The following NRCAM variants were observed in gnomAD, a reference collection of about 807,000 sequenced individuals.
NRCAM encodes the protein NgCAM-related cell adhesion molecule.
Under a neutral mutation model 156.5 loss-of-function variants are expected in NRCAM, and 83 were observed. The observed-to-expected ratio is 0.53, with a 90% CI of 0.44 to 0.64. The LOEUF (loss-of-function observed/expected upper bound fraction) is 0.64, where lower values mean the gene tolerates loss of function less well. Among genes scored for constraint, NRCAM ranks in the 30% least tolerant of loss-of-function variants. The probability of loss-of-function intolerance (pLI) is 0.00; values close to 1 mark genes in which losing one functional copy is unlikely to be tolerated. For missense variants in NRCAM, 1,417 were observed against 1,597.3 expected (o/e 0.89, Z 1.92); for synonymous variants, 538 against 563.9 (o/e 0.95, Z 0.65).
chr7:108,239,285 C>T (rs945555216), intron 4 of NRCAM, among the ~76,000 whole-genome samples: 1 of 152,126 alleles, frequency 6.6e-6, no homozygotes, highest in East Asian at 1.9e-4. Flanking sequence ...CATTTTAGTG[C>T]TTTGCATATT....
chr7:108,421,182 TGTATAAAAC>T (rs376436431), intron 1 of NRCAM, among the ~76,000 whole-genome samples: 41 of 152,276 alleles, frequency 2.7e-4, no homozygotes, highest in Middle Eastern at 3.4e-3. Context: ...TATATGTGTG[TGTATAAAAC>T]GTGTAAAACA....
Position 108,231,005 on chromosome 7 carries a change from A to G in NRCAM, c.550+26T>C, listed in dbSNP as rs1428753849. The G allele has an allele frequency of 3.2e-6, 5 of 1,549,998 alleles. No homozygotes were observed. The East Asian group carries it at 9.0e-5, about 28-fold the overall frequency. Reference sequence around the variant, plus strand: ...AAACAATCCTAAGACTTTTAAAGAAAGAAAGTTCATATTATCAAAACTTAC... The same window carrying G: ...AAACAATCCTAAGACTTTTAAAGAAGGAAAGTTCATATTATCAAAACTTAC... On this transcript the variant is annotated intron_variant, in intron 8 of 32. Transcript: ENST00000379028.
intron 5 of NRCAM, among the ~76,000 whole-genome samples, chr7:108,235,927 T>C (rs2094931064): frequency 6.6e-6 from 1 of 152,196 alleles, no homozygotes; most frequent in African/African-American, 2.4e-5. Flanking sequence ...ACAGCACCTT[T>C]CCTCTGCATC....
chr7:108,453,446 G>A (rs944962447), intron 1 of NRCAM, among the ~76,000 whole-genome samples: 1 of 152,166 alleles, frequency 6.6e-6, no homozygotes, highest in Non-Finnish European at 1.5e-5. Flanking sequence ...TATTTCCAAA[G>A]ATGCTTTGCT....
At chr7:108,268,397 G>A (rs2097188515) in intron 3 of NRCAM, among the ~76,000 whole-genome samples, 1 of 152,154 alleles carries the variant, frequency 6.6e-6, no homozygotes, top group Non-Finnish European at 1.5e-5. Flanking sequence ...TAGTAAATGA[G>A]TAAGTGAGAG....
intron 32 of NRCAM, among the ~76,000 whole-genome samples, chr7:108,153,333 GAAAATAAAAATATGAT>G (rs2042876677): frequency 6.6e-6 from 1 of 151,876 alleles, no homozygotes; most frequent in South Asian, 2.1e-4. Flanking sequence ...TTTAGCAGAA[GAAAATAAAAATATGAT>G]AATCTCAGTA....
At chr7:108,325,323 A>G (rs1034910297) in intron 2 of NRCAM, among the ~76,000 whole-genome samples, 2 of 152,184 alleles carry the variant, frequency 1.3e-5, no homozygotes, top group African/African-American at 2.4e-5. Flanking sequence ...CATTCTATCT[A>G]TGAAGTGGTA....
intron 15 of NRCAM, 90 bp downstream of exon 15, chr7:108,195,671 T>A: frequency 1.5e-6 from 1 of 687,874 alleles, no homozygotes; most frequent in Admixed American, 2.8e-5. Flanking sequence ...CTTTCCCTGT[T>A]TGTTTTTTGA....
At chr7:108,400,737 C>G (rs1213949281) in intron 1 of NRCAM, among the ~76,000 whole-genome samples, 1 of 152,002 alleles carries the variant, frequency 6.6e-6, no homozygotes, top group African/African-American at 2.4e-5. Context: ...AACTCAGAGT[C>G]AAGAGGTACA....
intron 32 of NRCAM, chr7:108,156,625 T>C (rs2045650560): frequency 6.5e-6 from 1 of 153,516 alleles, no homozygotes; most frequent in Admixed American, 6.5e-5. Flanking sequence ...GCCAGCCATG[T>C]AGAAACGGTT....
intron 15 of NRCAM, among the ~76,000 whole-genome samples, chr7:108,195,415 C>A (rs377725355): frequency 1.3e-5 from 2 of 151,332 alleles, no homozygotes; most frequent in East Asian, 3.9e-4. Context: ...TCTGAGGTTA[C>A]GAGTTTGAGA....
At chr7:108,363,725 T>C (rs898793101) in intron 2 of NRCAM, among the ~76,000 whole-genome samples, 3 of 152,222 alleles carry the variant, frequency 2.0e-5, no homozygotes, top group African/African-American at 7.2e-5. Context: ...TTTGATATGA[T>C]ATGATGTGAT....
chr7:108,350,097 C>T (rs1438520075), intron 2 of NRCAM, among the ~76,000 whole-genome samples: 1 of 152,198 alleles, frequency 6.6e-6, no homozygotes, highest in Non-Finnish European at 1.5e-5. Flanking sequence ...AGAGCCTTCC[C>T]TCAGATATAC....
In NRCAM at chr7:108,177,995, T is replaced by C. The variant is rs781735259; in HGVS notation, c.2969A>G (p.Gln990Arg). The change falls in exon 26 of 33, where the codon CAG (glutamine) becomes CGG (arginine). Residue 990 changes from glutamine (Q) to arginine (R), a missense_variant. Gln to Arg is a conservative substitution (Grantham distance 43, BLOSUM62 1). Transcript: ENST00000379028. Reference sequence around the variant, plus strand: ...TCTTCCTCCCAACAGCTTACTTGGCTGATACTTTAAGGTGTACTCTGTCAA... The same window carrying C: ...TCTTCCTCCCAACAGCTTACTTGGCCGATACTTTAAGGTGTACTCTGTCAA... Reference protein sequence around the residue: ...GILTEYTLKYQPINSTHELGP... With the variant: ...GILTEYTLKYRPINSTHELGP... 1 of 1,605,530 alleles carries C rather than the reference T, an allele frequency of 6.2e-7. No homozygotes were observed. Among genetic ancestry groups the C allele is most frequent in the Non-Finnish European group, 8.5e-7 (1 of 1,175,854 alleles).
intron 1 of NRCAM, among the ~76,000 whole-genome samples, chr7:108,404,238 C>T (rs145148256): frequency 1.0e-5 from 1 of 95,736 alleles, no homozygotes; most frequent in Non-Finnish European, 2.2e-5. Flanking sequence ...CATTGAGAGG[C>T]CTTTCTGGCT....
chr7:108,178,386 T>C, intron 25 of NRCAM: 1 of 456,534 alleles, frequency 2.2e-6, no homozygotes, highest in Non-Finnish European at 4.2e-6. Flanking sequence ...CCTAATATTT[T>C]AAAAAGAGGC....
rs2099643901 is a variant in NRCAM, at chr7:108,373,743, G to C, written c.-174+25693C>G. ...GAACTTGTGACTTGTGAACTACAGA[G>C]CTAATGGTTGTCACTGGTGTGTAAG... On this transcript the variant is annotated intron_variant, in intron 2 of 32. Coordinates refer to ENST00000379028, the MANE Select transcript of NRCAM (RefSeq NM_001037132.4). Among the ~76,000 whole-genome samples, 3 of 152,274 alleles carry C rather than the reference G, an allele frequency of 2.0e-5. No individual in the cohort carries two copies. The South Asian group carries it at 6.2e-4, about 32-fold the overall frequency.
chr7:108,181,966 G>A (rs1411107579), intron 23 of NRCAM, 29 bp from the exon 24 acceptor site: 8 of 1,507,592 alleles, frequency 5.3e-6, no homozygotes, highest in Non-Finnish European at 7.4e-6. Flanking sequence ...AGTGGTAGAA[G>A]TATCAATGTT....
At chr7:108,201,898 G>C (rs2078357732) in intron 13 of NRCAM, among the ~76,000 whole-genome samples, 1 of 152,092 alleles carries the variant, frequency 6.6e-6, no homozygotes. Flanking sequence ...TCTCTCCATG[G>C]GAGTTTTCCT....
Sources: allele counts gnomAD v4.1 joint callset (sites outside exome capture counted in the v4.1 genomes callset), GRCh38; gene constraint gnomAD v4.1.1; transcripts MANE v1.5; gene names NCBI Gene and HGNC (gene_info 2026-07-23, HGNC 2026-07-21).